The following ATP7A variants were observed in gnomAD, a reference collection of about 807,000 sequenced individuals.
ATP7A encodes the protein copper-transporting ATPase 1.
Under a neutral mutation model 83.5 loss-of-function variants are expected in ATP7A, and 7 were observed. The ratio of observed to expected loss-of-function variants is 0.08; its 90% CI spans 0.05 to 0.16. The LOEUF (loss-of-function observed/expected upper bound fraction) is 0.16, where lower values mean the gene tolerates loss of function less well. Among genes scored for constraint, ATP7A ranks in the 10% least tolerant of loss-of-function variants. The pLI is 1.00. For missense variants in ATP7A, 940 were observed against 1,120.8 expected (o/e 0.84, Z 2.30); for synonymous variants, 354 against 395.2 (o/e 0.90, Z 1.24).
At chrX:77,983,662 A>G (rs1254458115) in intron 2 of ATP7A, among the ~76,000 whole-genome samples, 2 of 111,683 alleles carry the variant, frequency 1.8e-5, no homozygotes, top group East Asian at 2.8e-4. Flanking sequence ...CCTATGAGCT[A>G]TATTTATAAT....
intron 5 of ATP7A, among the ~76,000 whole-genome samples, chrX:78,002,039 A>G (rs187063826): frequency 1.8e-5 from 2 of 108,644 alleles, no homozygotes; most frequent in Admixed American, 1.0e-4. Context: ...CTTTGCTACA[A>G]TTATGATTTC....
Position 77,970,169 on chromosome X carries a change from C to T in ATP7A, c.-21-1452C>T, listed in dbSNP as rs782027247. Among the ~76,000 whole-genome samples, 12 of 111,142 alleles carry T rather than the reference C, an allele frequency of 1.1e-4. No individual in the cohort carries two copies. The South Asian group carries it at 4.6e-3, about 43-fold the overall frequency. ...GCCTTAGGTCTTTGCTGGTTTTTGACATGAGGCCTCAGTTCCTCACCATAT... is the reference window on the plus strand; with the variant it reads ...GCCTTAGGTCTTTGCTGGTTTTTGATATGAGGCCTCAGTTCCTCACCATAT... On this transcript the variant is annotated intron_variant, in intron 1 of 22. Transcript: ENST00000341514.
At chrX:77,989,153 G>T in intron 3 of ATP7A, 80 bp from the exon 4 acceptor site, 1 of 1,003,002 alleles carries the variant, frequency 1.0e-6, no homozygotes, top group Non-Finnish European at 1.4e-6. Flanking sequence ...ATTATTTGTG[G>T]TTATTGATTT....
In ATP7A at chrX:78,020,899, T is replaced by C. The variant is rs782236972; in HGVS notation, c.2782-46T>C. On this transcript the variant is annotated intron_variant, in intron 13 of 22. Coordinates refer to ENST00000341514, the MANE Select transcript of ATP7A (RefSeq NM_000052.7). The stretch of plus-strand genomic sequence containing the variant: ...TCTGCATTCAGTATCAGAAAAGACT[T>C]TGATATGCTTCTTCTTCTTATTATT... 3 of 1,163,097 alleles carry C rather than the reference T, an allele frequency of 2.6e-6. No individual in the cohort carries two copies. In the South Asian group the frequency reaches 5.4e-5, roughly 21 times the overall value.
chrX:77,936,400 CTT>C (rs782508754), intron 1 of ATP7A, among the ~76,000 whole-genome samples: 1 of 112,247 alleles, frequency 8.9e-6, no homozygotes, highest in South Asian at 3.7e-4. Flanking sequence ...GTTTTAAAAA[CTT>C]ACAGTAAAAT....
chrX:77,917,379 A>G (rs1220282404), intron 1 of ATP7A, among the ~76,000 whole-genome samples: 1 of 111,180 alleles, frequency 9.0e-6, no homozygotes, highest in Non-Finnish European at 1.9e-5. Context: ...CCTTGGTTTG[A>G]TCTCATCTCT....
intron 1 of ATP7A, chrX:77,966,873 A>G (rs1557228832): frequency 1.9e-5 from 6 of 321,227 alleles, no homozygotes; most frequent in South Asian, 1.3e-4. Context: ...TGCTGCATCT[A>G]TTGACCCATC....
At chrX:78,023,324 G>T (rs1557236032) in intron 14 of ATP7A, among the ~76,000 whole-genome samples, 1 of 112,106 alleles carries the variant, frequency 8.9e-6, no homozygotes, top group Non-Finnish European at 1.9e-5. Context: ...TCCAGTAGTG[G>T]GATTGCTGGG....
At chrX:77,934,279 G>A (rs782001920) in intron 1 of ATP7A, among the ~76,000 whole-genome samples, 35 of 110,961 alleles carry the variant, frequency 3.2e-4, no homozygotes, top group Non-Finnish European at 5.7e-4. Context: ...TTAGCTGGGC[G>A]TGGTGGCACA....
intron 15 of ATP7A, 74 bp downstream of exon 15, chrX:78,029,518 A>C: frequency 1.0e-6 from 1 of 995,442 alleles, no homozygotes. Flanking sequence ...AGAAACACAT[A>C]CTCCTAAATT....
At chrX:78,038,726 G>T in intron 17 of ATP7A, 110 bp from the exon 18 acceptor site, 1 of 875,964 alleles carries the variant, frequency 1.1e-6, no homozygotes. Flanking sequence ...TATGTTCTAG[G>T]AGCAATACAA....
intron 21 of ATP7A, 150 bp downstream of exon 21, chrX:78,043,584 T>G: frequency 2.0e-6 from 1 of 494,097 alleles, no homozygotes; most frequent in Non-Finnish European, 3.6e-6. Context: ...ATCAATCATT[T>G]TAATTTTCAG....
chrX:77,927,320 T>C (rs2077247131), intron 1 of ATP7A, among the ~76,000 whole-genome samples: 1 of 111,824 alleles, frequency 8.9e-6, no homozygotes, highest in African/African-American at 3.2e-5. Context: ...TTCTCTTACA[T>C]ACACATTCTC....
intron 2 of ATP7A, among the ~76,000 whole-genome samples, chrX:77,987,345 A>G (rs1234350420): frequency 9.0e-6 from 1 of 110,582 alleles, no homozygotes; most frequent in Non-Finnish European, 1.9e-5. Context: ...AATAGGGCAT[A>G]TTTTCTCATT....
intron 1 of ATP7A, among the ~76,000 whole-genome samples, chrX:77,915,230 G>A (rs1325479217): frequency 1.8e-5 from 2 of 110,726 alleles, no homozygotes; most frequent in African/African-American, 3.3e-5. Flanking sequence ...TGGAAGGATC[G>A]CTTGAGCCTG....
At chrX:78,002,717 G>A (rs1557233286) in intron 5 of ATP7A, among the ~76,000 whole-genome samples, 1 of 109,365 alleles carries the variant, frequency 9.1e-6, no homozygotes. Flanking sequence ...AGCGAGTGGA[G>A]GGTGTAGGAA....
chrX:77,952,175 G>C (rs1557226877), intron 1 of ATP7A, among the ~76,000 whole-genome samples: 2 of 112,128 alleles, frequency 1.8e-5, no homozygotes, highest in Non-Finnish European at 3.8e-5. Context: ...GTGCAGTTTT[G>C]GTGTAGACAT....
intron 14 of ATP7A, among the ~76,000 whole-genome samples, chrX:78,028,753 C>T (rs192820336): frequency 6.2e-5 from 7 of 112,575 alleles, no homozygotes; most frequent in African/African-American, 2.3e-4. Flanking sequence ...CACTGAACGT[C>T]ACTAAGAGCT....
intron 1 of ATP7A, among the ~76,000 whole-genome samples, chrX:77,920,836 G>T (rs1277331025): frequency 9.0e-6 from 1 of 111,007 alleles, no homozygotes; most frequent in Non-Finnish European, 1.9e-5. Flanking sequence ...CTCAGTAATG[G>T]GATTACTGGG....
Sources: allele counts gnomAD v4.1 joint callset (sites outside exome capture counted in the v4.1 genomes callset), GRCh38; gene constraint gnomAD v4.1.1; transcripts MANE v1.5; gene names NCBI Gene and HGNC (gene_info 2026-07-23, HGNC 2026-07-21).